Variants in MINAR1 observed in about 807,000 individuals in gnomAD.
MINAR1 encodes membrane integral NOTCH2 associated receptor 1.
Under a neutral mutation model 65.1 loss-of-function variants are expected in MINAR1, and 40 were observed. The observed-to-expected ratio is 0.61, with a 90% CI of 0.48 to 0.80. The LOEUF is 0.80. MINAR1 is among the 30% of genes least tolerant of loss of function. The pLI, the probability that MINAR1 is intolerant of heterozygous loss-of-function variation, is 0.00. For synonymous variants in MINAR1, 482 were observed against 449.1 expected, an observed-to-expected ratio of 1.07 and a Z score of -0.93; for missense variants, 1,128 against 1,148.0, an observed-to-expected ratio of 0.98 and a Z score of 0.25.
At chr15:79,429,537 G>A (rs958999729), upstream of MINAR1, among the ~76,000 whole-genome samples, 10 of 152,224 alleles carry the variant, frequency 6.6e-5, no homozygotes, top group Non-Finnish European at 1.3e-4. Context: ...AGGAAAATGT[G>A]GAGGCTGGAT....
rs1390842174 is a variant in MINAR1, at chr15:79,456,737, C to T, written c.590C>T (p.Ala197Val). The T allele has an allele frequency of 6.2e-7, 1 of 1,614,204 alleles. No homozygotes were observed. Among genetic ancestry groups the T allele is most frequent in the South Asian group, 1.1e-5 (1 of 91,076 alleles). Residue 197 changes from alanine to valine, a missense_variant, in exon 2 of 4, where the codon GCC becomes GTC. Coordinates refer to ENST00000305428, the MANE Select transcript of MINAR1 (RefSeq NM_015206.3). The stretch of plus-strand genomic sequence containing the variant: ...GCCGCTTCCCTGGACAGGTTGCAGG[C>T]CCTGGCTCCGTACTCTGTGACCAGC... ...NRAASLDRLQ[A>V]LAPYSVTSPQ... is the part of the protein sequence containing the mutation.
chr15:79,454,253 C>T (rs2141291168), intron 1 of MINAR1, among the ~76,000 whole-genome samples: 1 of 152,306 alleles, frequency 6.6e-6, no homozygotes, highest in East Asian at 1.9e-4. Context: ...AACCACTGGT[C>T]TCTGCATATC....
Position 79,457,844 on chromosome 15 carries a change from A to G in MINAR1, c.1697A>G (p.Lys566Arg), listed in dbSNP as rs890130152. 1.9e-6 allele frequency: 3 copies of G among 1,613,976 alleles called. No homozygotes were observed. The highest frequency in any genetic ancestry group is 2.7e-5 in the African/African-American group (2 of 74,894). Residue 566 changes from lysine to arginine, a missense_variant, in exon 2 of 4, where the codon AAA (lysine) becomes AGA (arginine). Coordinates refer to ENST00000305428, the MANE Select transcript of MINAR1 (RefSeq NM_015206.3). ...AGTTCCCCTGAGCACAACTTAACCAAAATTGCCAATGGGGTCCCCAACAGC... is the reference window on the plus strand; with the variant it reads ...AGTTCCCCTGAGCACAACTTAACCAGAATTGCCAATGGGGTCCCCAACAGC... The part of the protein sequence containing the change: ...CDSSPEHNLT[K>R]IANGVPNSKG...
At chr15:79,418,390 C>T in the MINAR1 span, 1 of 152,090 alleles carries the variant, frequency 6.6e-6, no homozygotes, top group African/African-American at 2.4e-5. Context: ...TTAAAAACAC[C>T]GCTGTGAAGA....
At chr15:79,454,099 C>G (rs955286947) in intron 1 of MINAR1, among the ~76,000 whole-genome samples, 3 of 152,184 alleles carry the variant, frequency 2.0e-5, no homozygotes, top group Non-Finnish European at 4.4e-5. Flanking sequence ...TTTAACAAGC[C>G]AGAACATTTG....
At chr15:79,432,092 C>T (rs1030921791), upstream of MINAR1, among the ~76,000 whole-genome samples, 1 of 152,090 alleles carries the variant, frequency 6.6e-6, no homozygotes, top group East Asian at 1.9e-4. Flanking sequence ...CCGCGCTGCT[C>T]CCAGCCTGCA....
chr15:79,461,129 G>A (rs1035405009), intron 2 of MINAR1, among the ~76,000 whole-genome samples: 12 of 152,314 alleles, frequency 7.9e-5, no homozygotes, highest in Non-Finnish European at 1.3e-4. Flanking sequence ...TTGAAAATAC[G>A]TATTATGTAT....
At chr15:79,449,744 T>A (rs540502350) in intron 1 of MINAR1, among the ~76,000 whole-genome samples, 2 of 152,282 alleles carry the variant, frequency 1.3e-5, no homozygotes, top group South Asian at 2.1e-4. Flanking sequence ...AACACCTGAA[T>A]CTTGAAGGGA....
rs1420109007 is a variant in MINAR1 at position 79,472,126 on chromosome 15, C to A, written c.*3742C>A. The stretch of plus-strand genomic sequence containing the variant: ...TATGTTTGTTCTGTACAGCTCTCAG[C>A]ACACTCTTGGTGCTTGATAAATGTT... On this transcript the variant is annotated 3_prime_UTR_variant, in exon 4 of 4. Transcript: ENST00000305428. 1 of 152,528 alleles carries A rather than the reference C, an allele frequency of 6.6e-6. No homozygotes were observed. The highest frequency in any genetic ancestry group is 1.5e-5 in the Non-Finnish European group (1 of 68,028). 9.4% of individuals were successfully genotyped at this position (152,528 alleles called of 1,614,324 possible).
At chr15:79,445,623 AC>A (rs1479144338) in intron 1 of MINAR1, among the ~76,000 whole-genome samples, 9 of 145,998 alleles carry the variant, frequency 6.2e-5, no homozygotes, top group African/African-American at 2.3e-4. Context: ...ATCTTGGCTC[AC>A]CGCAACCTCC....
At chr15:79,442,104 A>G (rs1338004664) in intron 1 of MINAR1, among the ~76,000 whole-genome samples, 2 of 140,116 alleles carry the variant, frequency 1.4e-5, no homozygotes, top group Non-Finnish European at 3.1e-5. Context: ...AGCAATTTTT[A>G]TCTATCCAAA....
At chr15:79,462,935 T>G (rs1895699519) in intron 2 of MINAR1, 132 bp from the exon 3 acceptor site, 1 of 925,638 alleles carries the variant, frequency 1.1e-6, no homozygotes, top group South Asian at 1.8e-5. Flanking sequence ...GCTTTCATAC[T>G]TTTGATTTGG....
chr15:79,445,510 C>T (rs1035921095), intron 1 of MINAR1, among the ~76,000 whole-genome samples: 26 of 150,654 alleles, frequency 1.7e-4, no homozygotes, highest in African/African-American at 6.1e-4. Flanking sequence ...ATTGATAAAT[C>T]TTATTTCATC....
Position 79,456,493 on chromosome 15 carries a change from G to C in MINAR1, c.346G>C (p.Glu116Gln). Residue 116 changes from glutamate to glutamine, a missense_variant, in exon 2 of 4, where the codon GAG becomes CAG. Physicochemically the swap from Glu to Gln is conservative, Grantham distance 29. Coordinates refer to ENST00000305428, the MANE Select transcript of MINAR1 (RefSeq NM_015206.3). The part of the protein sequence containing the change: ...PTGRQKVRKK[E>Q]ASFESCRSDT... ...GGGCCGCCAGAAGGTACGCAAGAAG[G>C]AGGCATCCTTTGAATCATGTAGGTC... 1 of 1,614,030 alleles carries C rather than the reference G, an allele frequency of 6.2e-7. No individual in the cohort carries two copies.
At chr15:79,466,872 G>T (rs1205748383) in intron 3 of MINAR1, among the ~76,000 whole-genome samples, 1 of 152,212 alleles carries the variant, frequency 6.6e-6, no homozygotes, top group Non-Finnish European at 1.5e-5. Flanking sequence ...GAAACCCACT[G>T]AGACCCACAG....
At chr15:79,418,271 A>C in the MINAR1 span, 1 of 152,362 alleles carries the variant, frequency 6.6e-6, no homozygotes, top group Non-Finnish European at 1.5e-5. Context: ...TTTATAGGTA[A>C]AAAAATGAAA....
At chr15:79,466,895 G>A (rs1282312574) in intron 3 of MINAR1, among the ~76,000 whole-genome samples, 1 of 152,196 alleles carries the variant, frequency 6.6e-6, no homozygotes, top group Admixed American at 6.5e-5. Flanking sequence ...CTGAGAGCAG[G>A]TGTCCAATAG....
rs1436095051 is a variant in MINAR1, at chr15:79,455,990, T to C, written c.-50-108T>C. ...CTTATTACATTTTTAATCATTAAAA[T>C]GTTTTTCTCTGTATTTCTTTATATG... On this transcript the variant is annotated intron_variant, in intron 1 of 3. Transcript: ENST00000305428. 5 of 627,972 alleles carry C rather than the reference T, an allele frequency of 8.0e-6. No individual in the cohort carries two copies. In the African/African-American group the frequency reaches 9.2e-5, roughly 12 times the overall value. 38.9% of individuals were successfully genotyped at this position (627,972 alleles called of 1,614,324 possible).
the MINAR1 span, chr15:79,415,361 T>C: frequency 1.3e-5 from 2 of 152,192 alleles, no homozygotes. Flanking sequence ...AGACCATATG[T>C]CATTTCTAAT....
Sources: allele counts gnomAD v4.1 joint callset (sites outside exome capture counted in the v4.1 genomes callset), GRCh38; gene constraint gnomAD v4.1.1; transcripts MANE v1.5; gene names NCBI Gene and HGNC (gene_info 2026-07-23, HGNC 2026-07-21).